The following PLCB1 variants were observed in gnomAD, a reference collection of about 807,000 sequenced individuals.
The protein encoded by PLCB1 is phospholipase C beta 1.
In PLCB1, 46 loss-of-function variants were observed where a neutral mutation model predicts 161.8. The ratio of observed to expected loss-of-function variants is 0.28; its 90% CI spans 0.22 to 0.36. The LOEUF (loss-of-function observed/expected upper bound fraction) is 0.36, where lower values mean the gene tolerates loss of function less well. PLCB1 is among the 10% of genes least tolerant of loss of function. The pLI, the probability that PLCB1 is intolerant of heterozygous loss-of-function variation, is 1.00. For synonymous variants in PLCB1, 517 were observed against 503.7 expected, an observed-to-expected ratio of 1.03 and a Z score of -0.35; for missense variants, 1,016 against 1,472.5, an observed-to-expected ratio of 0.69 and a Z score of 5.07.
chr20:8,786,962 C>T (rs1214666361), intron 27 of PLCB1, among the ~76,000 whole-genome samples: 1 of 152,130 alleles, frequency 6.6e-6, no homozygotes, highest in African/African-American at 2.4e-5. Flanking sequence ...GCCTCGGCCT[C>T]CCAAAGTGCT....
intron 2 of PLCB1, among the ~76,000 whole-genome samples, chr20:8,238,866 T>G (rs6140561): frequency 0.45 from 67,762 of 149,988 alleles, 17,468 homozygotes; most frequent in African/African-American, 0.73. Flanking sequence ...AATGGGTGGC[T>G]GGGGGGAAGA....
intron 3 of PLCB1, among the ~76,000 whole-genome samples, chr20:8,482,663 G>A (rs1404660495): frequency 6.6e-6 from 1 of 152,174 alleles, no homozygotes; most frequent in Non-Finnish European, 1.5e-5. Context: ...AATGCTACAT[G>A]CAGTTCTCAT....
intron 3 of PLCB1, among the ~76,000 whole-genome samples, chr20:8,557,815 C>A (rs555648644): frequency 1.4e-4 from 21 of 152,030 alleles, no homozygotes; most frequent in African/African-American, 4.8e-4. Flanking sequence ...TGGCAAGAAT[C>A]TGGTTTCTGG....
At chr20:8,337,008 A>G (rs940273420) in intron 2 of PLCB1, among the ~76,000 whole-genome samples, 1 of 152,142 alleles carries the variant, frequency 6.6e-6, no homozygotes, top group Non-Finnish European at 1.5e-5. Context: ...GATCATTTCT[A>G]TATGTCTAAT....
intron 11 of PLCB1, among the ~76,000 whole-genome samples, chr20:8,703,488 T>C (rs930175518): frequency 6.6e-6 from 1 of 152,102 alleles, no homozygotes; most frequent in African/African-American, 2.4e-5. Context: ...ACCCATGGCA[T>C]CCACTTCACC....
At chr20:8,713,649 G>A (rs1979142518) in intron 12 of PLCB1, among the ~76,000 whole-genome samples, 1 of 152,186 alleles carries the variant, frequency 6.6e-6, no homozygotes, top group South Asian at 2.1e-4. Flanking sequence ...TAAGACCCCA[G>A]GTAACGTGAA....
chr20:8,654,351 C>T (rs866992508), intron 7 of PLCB1, among the ~76,000 whole-genome samples: 7 of 151,972 alleles, frequency 4.6e-5, no homozygotes, highest in African/African-American at 2.4e-5. Context: ...ACTGACAGTG[C>T]GTTTTGTATT....
intron 31 of PLCB1, among the ~76,000 whole-genome samples, chr20:8,792,298 G>T (rs867754169): frequency 1.3e-5 from 2 of 152,170 alleles, no homozygotes; most frequent in Admixed American, 6.5e-5. Context: ...GGGCAGTAGG[G>T]TATCACTTTC....
intron 3 of PLCB1, among the ~76,000 whole-genome samples, chr20:8,381,029 C>T (rs1296651766): frequency 6.6e-6 from 1 of 152,088 alleles, no homozygotes; most frequent in Non-Finnish European, 1.5e-5. Flanking sequence ...TTGGTTTTCA[C>T]AGAGAATGCT....
At chr20:8,714,485 TA>T (rs1403991857) in intron 12 of PLCB1, among the ~76,000 whole-genome samples, 1 of 152,166 alleles carries the variant, frequency 6.6e-6, no homozygotes, top group African/African-American at 2.4e-5. Flanking sequence ...GGGCTGGCCC[TA>T]CCAAATCAGC....
At chr20:8,223,032 A>C (rs1355013425) in intron 2 of PLCB1, among the ~76,000 whole-genome samples, 1 of 152,186 alleles carries the variant, frequency 6.6e-6, no homozygotes, top group Non-Finnish European at 1.5e-5. Context: ...TAAAACAAGC[A>C]AACTTCCACT....
chr20:8,264,531 T>C lies in PLCB1; in HGVS notation c.178-106851T>C, dbSNP rs566852260. Among the ~76,000 whole-genome samples the C allele has an allele frequency of 3.9e-5, 6 of 152,318 alleles. No homozygotes were observed. In the South Asian group the frequency reaches 1.2e-3, roughly 32 times the overall value. ...TTTATGTACTAGAGTTTTATACAAC[T>C]AGCAGCAATATAGTTTTGCTTGTAC... On this transcript the variant is annotated intron_variant, in intron 2 of 31. Transcript: ENST00000338037.
intron 2 of PLCB1, among the ~76,000 whole-genome samples, chr20:8,348,568 A>G (rs1032642373): frequency 6.6e-6 from 1 of 152,074 alleles, no homozygotes; most frequent in Non-Finnish European, 1.5e-5. Context: ...CATACTGGGG[A>G]TTGAGAGGTT....
At chr20:8,392,891 T>C (rs555506272) in intron 3 of PLCB1, among the ~76,000 whole-genome samples, 2 of 152,186 alleles carry the variant, frequency 1.3e-5, no homozygotes, top group Non-Finnish European at 2.9e-5. Context: ...AGAATTCCTA[T>C]CTATGGCATT....
intron 3 of PLCB1, among the ~76,000 whole-genome samples, chr20:8,527,037 T>C (rs1446283492): frequency 6.6e-6 from 1 of 152,084 alleles, no homozygotes; most frequent in East Asian, 1.9e-4. Context: ...GTCTCTAGTG[T>C]AGTTATGGGC....
intron 4 of PLCB1, among the ~76,000 whole-genome samples, chr20:8,644,313 C>A (rs910917200): frequency 7.4e-5 from 11 of 148,460 alleles, no homozygotes; most frequent in Non-Finnish European, 1.5e-4. Flanking sequence ...AAGTGAGGAG[C>A]GTCTCTGCCC....
At chr20:8,595,257 CA>C (rs1332206136) in intron 3 of PLCB1, among the ~76,000 whole-genome samples, 11 of 122,180 alleles carry the variant, frequency 9.0e-5, no homozygotes, top group African/African-American at 2.1e-4. Flanking sequence ...CCCCTCCCCC[CA>C]CCCCACAACA....
chr20:8,517,097 T>A (rs1394625608), intron 3 of PLCB1, among the ~76,000 whole-genome samples: 1 of 151,984 alleles, frequency 6.6e-6, no homozygotes, highest in African/African-American at 2.4e-5. Flanking sequence ...GCGTTCCACA[T>A]ATAGAGATGA....
In PLCB1 at chr20:8,813,259, G is replaced by A. The variant is rs148660756; in HGVS notation, c.3423+22998G>A. On this transcript the variant is annotated intron_variant, in intron 31 of 31. Transcript: ENST00000338037. ...TTCTCTACCAAGTCTACTCACTCGC[G>A]GAAAGCTTTGGCAAGATTTTTAGGC... 9.8e-4 allele frequency among the ~76,000 whole-genome samples: 149 copies of A among 152,268 alleles called. 1 individual carries two copies. Among genetic ancestry groups the A allele is most frequent in the African/African-American group, 3.4e-3 (141 of 41,546 alleles).
Sources: gnomAD v4.1 joint callset for allele counts (sites outside exome capture counted in the v4.1 genomes callset) on GRCh38, gnomAD v4.1.1 for gene constraint, MANE v1.5 for transcripts, NCBI Gene and HGNC (gene_info 2026-07-23, HGNC 2026-07-21) for gene names.